PTH2R: variants seen among roughly 807,000 people sequenced by gnomAD.
PTH2R encodes the protein PTH2 receptor.
A neutral mutation model predicts 60.3 loss-of-function variants in PTH2R; 59 were observed. That is an observed-to-expected ratio of 0.98 (90% CI 0.79 to 1.22). PTH2R has a LOEUF of 1.22. PTH2R is among the 50% of genes most tolerant of loss of function. PTH2R has a pLI of 0.00. For synonymous variants in PTH2R, 256 were observed against 243.8 expected (o/e 1.05, Z -0.47); for missense variants, 749 against 682.6 (o/e 1.10, Z -1.08).
rs1046885203 is a variant in PTH2R, at chr2:208,494,427, A to C, written c.*768A>C. Reference sequence around the variant, plus strand: ...GTATTTTGATAGCAAATCATGCTGCATCTATATCTTTTTCTTGTTTGAGCT... The same window carrying C: ...GTATTTTGATAGCAAATCATGCTGCCTCTATATCTTTTTCTTGTTTGAGCT... On this transcript the variant is annotated 3_prime_UTR_variant, in exon 13 of 13. Coordinates refer to ENST00000272847, the MANE Select transcript of PTH2R (RefSeq NM_005048.4). 6 of 152,200 alleles carry C rather than the reference A, an allele frequency of 3.9e-5. No individual in the cohort carries two copies. Among genetic ancestry groups the C allele is most frequent in the Non-Finnish European group, 7.3e-5 (5 of 68,028 alleles). The allele number at this position is 152,200 out of a possible 1,614,324, so 9.4% of individuals were successfully genotyped here.
chr2:208,472,624 C>G (rs972678052), intron 9 of PTH2R, among the ~76,000 whole-genome samples: 4 of 152,298 alleles, frequency 2.6e-5, no homozygotes, highest in Middle Eastern at 3.4e-3. Context: ...GTGAGGCATC[C>G]CTAGCCACAT....
At chr2:208,445,361 A>G (rs1424433640) in intron 7 of PTH2R, among the ~76,000 whole-genome samples, 1 of 152,202 alleles carries the variant, frequency 6.6e-6, no homozygotes, top group East Asian at 1.9e-4. Context: ...TTACAAACTA[A>G]TTATGTGGAC....
At chr2:208,442,494 G>A in intron 5 of PTH2R, 33 bp downstream of exon 5, 5 of 1,479,632 alleles carry the variant, frequency 3.4e-6, no homozygotes, top group Non-Finnish European at 3.8e-6. Flanking sequence ...TCCATGAAGG[G>A]GCACATTGTC....
rs568678438 is a variant in PTH2R at position 208,476,718 on chromosome 2, C to T, written c.982-4352C>T. Among the ~76,000 whole-genome samples the T allele has an allele frequency of 3.9e-5, 6 of 152,322 alleles. No individual in the cohort carries two copies. In the East Asian group the frequency reaches 7.7e-4, roughly 20 times the overall value. On this transcript the variant is annotated intron_variant, in intron 9 of 12. Transcript: ENST00000272847. ...TCTGAGGGAAACTAACACATAGCAT[C>T]TCTCTTGGCTGCCCTGATTCTAAAC... is the stretch of plus-strand genomic sequence containing the variant.
intron 1 of PTH2R, among the ~76,000 whole-genome samples, chr2:208,362,165 C>T (rs967299676): frequency 6.6e-6 from 1 of 152,132 alleles, no homozygotes; most frequent in African/African-American, 2.4e-5. Flanking sequence ...CAGTGGCTTC[C>T]CTGGCTTTTG....
In PTH2R at chr2:208,493,712, G is replaced by C. The variant is rs891423459; in HGVS notation, c.*53G>C. On this transcript the variant is annotated 3_prime_UTR_variant, in exon 13 of 13. Transcript: ENST00000272847. ...GCTGGTCCAATGGCTGGTTGTGTGA[G>C]AGGGCTTGGCTGATACTCCTATGCT... 13 of 1,503,220 alleles carry C rather than the reference G, an allele frequency of 8.6e-6. No homozygotes were observed. Among genetic ancestry groups the C allele is most frequent in the Non-Finnish European group, 1.2e-5 (13 of 1,123,230 alleles). 93.1% of individuals were successfully genotyped at this position (1,503,220 alleles called of 1,614,324 possible).
At chr2:208,440,443 T>A (rs548417506) in intron 4 of PTH2R, among the ~76,000 whole-genome samples, 124 of 152,264 alleles carry the variant, frequency 8.1e-4, no homozygotes, top group African/African-American at 2.9e-3. Context: ...TAATTAATAT[T>A]TTTTTTAAAA....
intron 7 of PTH2R, among the ~76,000 whole-genome samples, chr2:208,449,771 TA>T (rs1431471005): frequency 6.6e-6 from 1 of 152,144 alleles, no homozygotes; most frequent in Non-Finnish European, 1.5e-5. Flanking sequence ...AGAAAGAATA[TA>T]AAAAAATTAC....
At chr2:208,443,016 A>C (rs1447352131) in intron 5 of PTH2R, among the ~76,000 whole-genome samples, 1 of 152,240 alleles carries the variant, frequency 6.6e-6, no homozygotes, top group Non-Finnish European at 1.5e-5. Flanking sequence ...GGTTGTGTTC[A>C]TACTGAACAT....
intron 1 of PTH2R, among the ~76,000 whole-genome samples, chr2:208,364,364 T>G (rs1700539267): frequency 6.6e-6 from 1 of 152,204 alleles, no homozygotes; most frequent in African/African-American, 2.4e-5. Flanking sequence ...GCTTTGGGTC[T>G]TTGGTTTAAG....
chr2:208,369,250 A>C (rs372341092), intron 1 of PTH2R, among the ~76,000 whole-genome samples: 2 of 152,230 alleles, frequency 1.3e-5, no homozygotes, highest in African/African-American at 4.8e-5. Flanking sequence ...ATTGGAAGTG[A>C]AGATGTGCAG....
At chr2:208,476,651 G>C (rs1703010833) in intron 9 of PTH2R, among the ~76,000 whole-genome samples, 2 of 152,160 alleles carry the variant, frequency 1.3e-5, no homozygotes, top group African/African-American at 4.8e-5. Flanking sequence ...TGAAAAATAA[G>C]CCAATACATG....
At chr2:208,483,331 G>A (rs942885067) in intron 10 of PTH2R, among the ~76,000 whole-genome samples, 1 of 152,158 alleles carries the variant, frequency 6.6e-6, no homozygotes, top group Admixed American at 6.5e-5. Flanking sequence ...CCAAAGGATA[G>A]AATAATAAAA....
In PTH2R at chr2:208,388,488, T is replaced by C. The variant is rs59691862; in HGVS notation, c.-259+28251T>C. On this transcript the variant is annotated intron_variant, in intron 1 of 12. Coordinates refer to the PTH2R transcript ENST00000617735. ...TTCTTCTGTCATGTTCATACCTGTG[T>C]CCCATTCCATCATACCTGTGTGAGA... Among the ~76,000 whole-genome samples, 1,127 of 152,320 alleles carry C rather than the reference T, an allele frequency of 7.4e-3. 33 individuals are homozygous for C. The East Asian group carries it at 0.1, about 14-fold the overall frequency.
chr2:208,366,946 T>G (rs926390152), intron 1 of PTH2R, among the ~76,000 whole-genome samples: 4 of 152,250 alleles, frequency 2.6e-5, no homozygotes, highest in Non-Finnish European at 5.9e-5. Flanking sequence ...CAACTGTTTC[T>G]GTACCTCACT....
rs1284802814 is a variant in PTH2R, at chr2:208,364,353, T to TAA, written c.-259+4116_-259+4117insAA. ...CTATGTTTTCTTCCAGAAGTTTTAT[T>TAA]GCTTTGGGTCTTTGGTTTAAGTCTT... is the stretch of plus-strand genomic sequence containing the variant. On this transcript the variant is annotated intron_variant, in intron 1 of 12. Coordinates refer to the PTH2R transcript ENST00000617735. 2.0e-5 allele frequency among the ~76,000 whole-genome samples: 3 copies of TAA among 152,218 alleles called. No homozygotes were observed. In the East Asian group the frequency reaches 5.8e-4, roughly 29 times the overall value.
At position 208,450,730 on chromosome 2, in the gene PTH2R, A is replaced by T. The variant is rs151305528; in HGVS notation, c.854-19A>T. ...AATCTTAAAATAAATCTAGTCTCTG[A>T]ATCATTTTCTGATTTCAGGGTTTCC... On this transcript the variant is annotated intron_variant, in intron 7 of 12. Transcript: ENST00000272847. 1.4e-4 allele frequency: 228 copies of T among 1,612,822 alleles called. 2 individuals are homozygous for T. The East Asian group carries it at 4.9e-3, about 35-fold the overall frequency.
intron 8 of PTH2R, among the ~76,000 whole-genome samples, chr2:208,451,633 C>T (rs557622462): frequency 1.2e-4 from 18 of 152,178 alleles, no homozygotes; most frequent in African/African-American, 4.3e-4. Context: ...TTAATGCAAA[C>T]TGTGGGTTTC....
intron 1 of PTH2R, among the ~76,000 whole-genome samples, chr2:208,395,430 A>T (rs2125884927): frequency 6.6e-6 from 1 of 152,290 alleles, no homozygotes; most frequent in South Asian, 2.1e-4. Context: ...GTCTATTTCC[A>T]CTAGGTGGTG....
Sources: allele counts gnomAD v4.1 joint callset (sites outside exome capture counted in the v4.1 genomes callset), GRCh38; gene constraint gnomAD v4.1.1; transcripts MANE v1.5; gene names NCBI Gene and HGNC (gene_info 2026-07-23, HGNC 2026-07-21).